The following GOLGA7 variants were observed in gnomAD, a reference collection of about 807,000 sequenced individuals.
GOLGA7 encodes golgin A7.
A neutral mutation model predicts 21.1 loss-of-function variants in GOLGA7; 10 were observed. That is an observed-to-expected ratio of 0.47 (90% CI 0.29 to 0.80). The LOEUF (loss-of-function observed/expected upper bound fraction) is 0.80, where lower values mean the gene tolerates loss of function less well. Ranked by LOEUF, GOLGA7 falls within the 30% of genes least tolerant of loss-of-function variation. The probability of loss-of-function intolerance (pLI) is 0.08; values close to 1 mark genes in which losing one functional copy is unlikely to be tolerated. For missense variants in GOLGA7, 114 were observed against 166.8 expected, an observed-to-expected ratio of 0.68 and a Z score of 1.74; for synonymous variants, 64 against 62.6, an observed-to-expected ratio of 1.02 and a Z score of -0.10.
At chr8:41,493,932 A>G (rs1585594434) in intron 1 of GOLGA7, among the ~76,000 whole-genome samples, 1 of 152,232 alleles carries the variant, frequency 6.6e-6, no homozygotes, top group Non-Finnish European at 1.5e-5. Context: ...ACAAATGCCA[A>G]CATTTGTTCT....
At position 41,510,195 on chromosome 8, in the gene GOLGA7, A is replaced by G. The variant is rs540162873; in HGVS notation, c.*627A>G. 5 of 152,730 alleles carry G rather than the reference A, an allele frequency of 3.3e-5. No individual in the cohort carries two copies. The highest frequency in any genetic ancestry group is 1.9e-4 in the East Asian group (1 of 5,192). 9.5% of individuals were successfully genotyped at this position (152,730 alleles called of 1,614,324 possible). On this transcript the variant is annotated 3_prime_UTR_variant, in exon 5 of 5. Coordinates refer to ENST00000357743, the MANE Select transcript of GOLGA7 (RefSeq NM_001002296.2). ...TAATGTTATTTGTTTTATTATAGCA[A>G]TTATGCCTAATTAAAGCAGTATTTA... is the stretch of plus-strand genomic sequence containing the variant.
At chr8:41,500,519 G>T (rs1806123948) in intron 2 of GOLGA7, among the ~76,000 whole-genome samples, 1 of 152,184 alleles carries the variant, frequency 6.6e-6, no homozygotes, top group Non-Finnish European at 1.5e-5. Context: ...GGAATGAAGT[G>T]TAGATTTTAT....
intron 1 of GOLGA7, among the ~76,000 whole-genome samples, chr8:41,496,526 T>C (rs946388502): frequency 5.3e-5 from 8 of 152,154 alleles, no homozygotes; most frequent in Non-Finnish European, 1.5e-5. Flanking sequence ...TGAAAAATTG[T>C]TTATTAGCTT....
intron 1 of GOLGA7, among the ~76,000 whole-genome samples, chr8:41,496,658 T>A (rs185741398): frequency 6.6e-6 from 1 of 152,060 alleles, no homozygotes. Flanking sequence ...AATGCCATTT[T>A]TTTTTTTTTT....
chr8:41,492,113 A>G (rs757620800), intron 1 of GOLGA7, among the ~76,000 whole-genome samples: 3 of 152,224 alleles, frequency 2.0e-5, no homozygotes, highest in East Asian at 1.9e-4. Context: ...TCATGGCCCA[A>G]ATATGTTTCT....
At chr8:41,497,000 C>T (rs1178345049) in intron 1 of GOLGA7, among the ~76,000 whole-genome samples, 5 of 151,418 alleles carry the variant, frequency 3.3e-5, no homozygotes, top group South Asian at 2.1e-4. Context: ...TTAGTAGAGA[C>T]GGGGTTTCAC....
chr8:41,505,343 G>A (rs1015842855), intron 2 of GOLGA7, among the ~76,000 whole-genome samples: 4 of 152,152 alleles, frequency 2.6e-5, no homozygotes, highest in Non-Finnish European at 5.9e-5. Context: ...AAACTCCCTG[G>A]CAGCTAATGC....
chr8:41,507,000 A>C (rs1806301807), intron 3 of GOLGA7, 59 bp from the exon 4 acceptor site: 2 of 828,436 alleles, frequency 2.4e-6, no homozygotes. Flanking sequence ...CCACCTTGCC[A>C]AGTCCCCCTT....
intron 1 of GOLGA7, 94 bp downstream of exon 1, chr8:41,491,059 C>A: frequency 1.3e-6 from 1 of 758,746 alleles, no homozygotes; most frequent in South Asian, 1.5e-5. Context: ...CTTTGAGGGT[C>A]CCGCAGTTCT....
At chr8:41,508,825 A>G (rs1217233958) in intron 4 of GOLGA7, among the ~76,000 whole-genome samples, 3 of 152,196 alleles carry the variant, frequency 2.0e-5, no homozygotes, top group Non-Finnish European at 2.9e-5. Flanking sequence ...CCAGGATGCA[A>G]TGTGAGCTGA....
At chr8:41,491,204 C>G (rs768274953) in intron 1 of GOLGA7, among the ~76,000 whole-genome samples, 44 of 152,272 alleles carry the variant, frequency 2.9e-4, no homozygotes, top group African/African-American at 1.0e-3. Context: ...CTTTGTTGCC[C>G]GGTGCCGGGA....
At chr8:41,507,946 A>C (rs1806327858) in intron 4 of GOLGA7, among the ~76,000 whole-genome samples, 1 of 152,248 alleles carries the variant, frequency 6.6e-6, no homozygotes, top group East Asian at 1.9e-4. Flanking sequence ...GGGCAACATC[A>C]ATAACAGCTA....
intron 1 of GOLGA7, among the ~76,000 whole-genome samples, chr8:41,492,435 G>GTGCA (rs72158582): frequency 0.14 from 21,533 of 152,206 alleles, 1,585 homozygotes; most frequent in African/African-American, 0.18. Context: ...GCCGTGGCGG[G>GTGCA]TGCATCACTT....
intron 3 of GOLGA7, among the ~76,000 whole-genome samples, chr8:41,506,851 G>A (rs1199898667): frequency 6.6e-6 from 1 of 152,082 alleles, no homozygotes; most frequent in South Asian, 2.1e-4. Flanking sequence ...TCAGTGTTTG[G>A]GAAGGAACTA....
chr8:41,491,037 C>A, intron 1 of GOLGA7, 72 bp downstream of exon 1: 2 of 909,434 alleles, frequency 2.2e-6, no homozygotes, highest in South Asian at 1.4e-5. Context: ...AGGGTGTGGG[C>A]GACAACCGGG....
intron 2 of GOLGA7, among the ~76,000 whole-genome samples, chr8:41,499,904 C>G (rs945686995): frequency 2.0e-5 from 3 of 152,200 alleles, no homozygotes; most frequent in African/African-American, 7.2e-5. Context: ...TTAAAGGGAC[C>G]GTGCTCTTCC....
intron 1 of GOLGA7, among the ~76,000 whole-genome samples, chr8:41,493,205 T>A (rs1027504742): frequency 5.3e-5 from 8 of 152,244 alleles, no homozygotes; most frequent in Non-Finnish European, 1.0e-4. Context: ...AGATTAAATT[T>A]AAATTACAGG....
chr8:41,507,169 G>A, intron 4 of GOLGA7, 48 bp downstream of exon 4: 1 of 786,196 alleles, frequency 1.3e-6, no homozygotes, highest in Non-Finnish European at 2.3e-6. Flanking sequence ...CAAGTTTAGA[G>A]GATGCATGAA....
chr8:41,507,428 A>G (rs1378635105), intron 4 of GOLGA7, among the ~76,000 whole-genome samples: 1 of 152,146 alleles, frequency 6.6e-6, no homozygotes, highest in Non-Finnish European at 1.5e-5. Context: ...TAATATTTCA[A>G]AACTATCCTA....
Sources: allele counts gnomAD v4.1 joint callset (sites outside exome capture counted in the v4.1 genomes callset), GRCh38; gene constraint gnomAD v4.1.1; transcripts MANE v1.5; gene names NCBI Gene and HGNC (gene_info 2026-07-23, HGNC 2026-07-21).